ASIC2: variants seen among roughly 807,000 people sequenced by gnomAD.
ASIC2 encodes the protein acid sensing ion channel subunit 2.
A neutral mutation model predicts 57.3 loss-of-function variants in ASIC2; 25 were observed. That is an observed-to-expected ratio of 0.44 (90% CI 0.32 to 0.61). ASIC2 has a LOEUF of 0.61. Ranked by LOEUF, ASIC2 falls within the 20% of genes least tolerant of loss-of-function variation. The pLI is 0.06. For synonymous variants in ASIC2, 319 were observed against 307.5 expected (o/e 1.04, Z -0.39); for missense variants, 641 against 738.1 (o/e 0.87, Z 1.52).
intron 1 of ASIC2, among the ~76,000 whole-genome samples, chr17:33,152,068 T>G (rs1904823694): frequency 6.6e-6 from 1 of 152,228 alleles, no homozygotes; most frequent in Non-Finnish European, 1.5e-5. Flanking sequence ...TCATCTCCTC[T>G]GGAGACTTTC....
At chr17:33,794,846 T>C (rs1198810126) in intron 1 of ASIC2, 1 of 152,144 alleles carries the variant, frequency 6.6e-6, no homozygotes, top group Non-Finnish European at 1.5e-5. Context: ...GGTAGCACAG[T>C]TTAGTAGAGA....
At chr17:34,098,337 C>T (rs922758817) in intron 1 of ASIC2, among the ~76,000 whole-genome samples, 3 of 152,154 alleles carry the variant, frequency 2.0e-5, no homozygotes, top group Middle Eastern at 3.2e-3. Context: ...CAAGTGAACA[C>T]ACCACAGTTC....
intron 1 of ASIC2, among the ~76,000 whole-genome samples, chr17:33,552,727 C>A (rs1430615858): frequency 6.6e-6 from 1 of 152,180 alleles, no homozygotes; most frequent in Admixed American, 6.5e-5. Context: ...GGGATTTGTG[C>A]ATTTTTTGAG....
chr17:34,035,671 C>G (rs1357173743), intron 1 of ASIC2, among the ~76,000 whole-genome samples: 7 of 152,030 alleles, frequency 4.6e-5, no homozygotes, highest in African/African-American at 1.7e-4. Context: ...ACAATGAACT[C>G]AAACAAATTT....
At chr17:33,652,388 T>C (rs1490932) in intron 1 of ASIC2, among the ~76,000 whole-genome samples, 6,181 of 152,262 alleles carry the variant, frequency 0.041, 167 homozygotes, top group South Asian at 0.13. Context: ...CCAACATGCA[T>C]TGAGTAGCAG....
chr17:33,096,263 G>T (rs2092179064), intron 2 of ASIC2, among the ~76,000 whole-genome samples: 1 of 152,232 alleles, frequency 6.6e-6, no homozygotes, highest in Non-Finnish European at 1.5e-5. Context: ...AAGACCCAGA[G>T]CTGGAGCCTC....
At chr17:33,126,701 GCTTGAAC>G (rs1597590972) in intron 1 of ASIC2, among the ~76,000 whole-genome samples, 1 of 152,064 alleles carries the variant, frequency 6.6e-6, no homozygotes, top group East Asian at 2.0e-4. Context: ...CAGGAGAATC[GCTTGAAC>G]CGGGGAGATG....
In ASIC2 at chr17:33,839,946, C is replaced by T. The variant is rs368663079; in HGVS notation, c.555+316032G>A. Among the ~76,000 whole-genome samples, 77 of 152,312 alleles carry T rather than the reference C, an allele frequency of 5.1e-4. 1 individual carries two copies. The South Asian group carries it at 0.015, about 30-fold the overall frequency. On this transcript the variant is annotated intron_variant, in intron 1 of 9. Transcript: ENST00000359872. Reference sequence around the variant, plus strand: ...TGAGCTTCTAGGTTCTGGTGATTCACCTCTGCCCTTGTTCTCCAGCCTTAG... The same window carrying T: ...TGAGCTTCTAGGTTCTGGTGATTCATCTCTGCCCTTGTTCTCCAGCCTTAG...
chr17:33,349,665 C>T (rs1908082662), intron 1 of ASIC2, among the ~76,000 whole-genome samples: 1 of 152,138 alleles, frequency 6.6e-6, no homozygotes, highest in South Asian at 2.1e-4. Context: ...TTGTGAAATG[C>T]CATGAAATAT....
chr17:34,006,455 G>A (rs769218095), intron 1 of ASIC2: 18 of 152,308 alleles, frequency 1.2e-4, no homozygotes, highest in African/African-American at 1.9e-4. Flanking sequence ...TTTAAGCTGG[G>A]AAGTGACATG....
chr17:33,566,960 C>G (rs1010021736), intron 1 of ASIC2, among the ~76,000 whole-genome samples: 2 of 152,132 alleles, frequency 1.3e-5, no homozygotes, highest in African/African-American at 2.4e-5. Flanking sequence ...TCTTTTTCCC[C>G]TGGTGAGATC....
chr17:34,082,099 T>C (rs1381881090), intron 1 of ASIC2: 1 of 152,210 alleles, frequency 6.6e-6, no homozygotes, highest in East Asian at 1.9e-4. Flanking sequence ...CATCCACGAA[T>C]ACAAATCCCA....
intron 1 of ASIC2, among the ~76,000 whole-genome samples, chr17:33,646,016 T>G (rs1041539867): frequency 1.3e-5 from 2 of 152,126 alleles, no homozygotes; most frequent in Non-Finnish European, 2.9e-5. Context: ...TGGTGCACAG[T>G]AGAGCTGGGA....
chr17:33,495,893 C>G (rs1597751722), intron 1 of ASIC2, among the ~76,000 whole-genome samples: 1 of 152,262 alleles, frequency 6.6e-6, no homozygotes, highest in Non-Finnish European at 1.5e-5. Flanking sequence ...ATTTGCTTGG[C>G]TGAAGGCAGA....
chr17:33,748,360 G>A (rs1238620411), intron 1 of ASIC2, among the ~76,000 whole-genome samples: 1 of 152,170 alleles, frequency 6.6e-6, no homozygotes, highest in Admixed American at 6.5e-5. Flanking sequence ...TTCAGTGCAG[G>A]GGCTTGGCCT....
intron 1 of ASIC2, among the ~76,000 whole-genome samples, chr17:33,355,876 G>T (rs938711571): frequency 6.6e-6 from 1 of 152,154 alleles, no homozygotes; most frequent in African/African-American, 2.4e-5. Flanking sequence ...TAAAGTGTAA[G>T]GGGAATTGAG....
At chr17:33,041,107 C>T (rs2091928312) in intron 3 of ASIC2, among the ~76,000 whole-genome samples, 2 of 152,182 alleles carry the variant, frequency 1.3e-5, no homozygotes, top group African/African-American at 4.8e-5. Context: ...AGCCTGTTCT[C>T]TCCCTCCTCC....
chr17:34,099,748 AAGAAAGAAAG>A (rs1162979226), intron 1 of ASIC2, among the ~76,000 whole-genome samples: 2 of 5,962 alleles, frequency 3.4e-4, no homozygotes, highest in African/African-American at 5.2e-4. Flanking sequence ...GAAAGAAAGA[AAGAAAGAAAG>A]AAAGAAAGAA....
chr17:33,746,681 TAAC>T (rs943343534), intron 1 of ASIC2, among the ~76,000 whole-genome samples: 2 of 151,822 alleles, frequency 1.3e-5, no homozygotes, highest in African/African-American at 2.4e-5. Flanking sequence ...AAGGGAAGAT[TAAC>T]AAAGAAATAA....
Sources: gnomAD v4.1 joint callset for allele counts (sites outside exome capture counted in the v4.1 genomes callset) on GRCh38, gnomAD v4.1.1 for gene constraint, MANE v1.5 for transcripts, NCBI Gene and HGNC (gene_info 2026-07-23, HGNC 2026-07-21) for gene names.